The following PDE4D variants were observed in gnomAD, a reference collection of about 807,000 sequenced individuals.
The protein encoded by PDE4D is phosphodiesterase 4D.
In PDE4D, 24 loss-of-function variants were observed where a neutral mutation model predicts 87.4. The ratio of observed to expected loss-of-function variants is 0.27; its 90% CI spans 0.20 to 0.39. PDE4D has a LOEUF of 0.39. Ranked by LOEUF, PDE4D falls within the 10% of genes least tolerant of loss-of-function variation. PDE4D has a pLI of 1.00. For synonymous variants in PDE4D, 384 were observed against 383.2 expected, an observed-to-expected ratio of 1.00 and a Z score of -0.02; for missense variants, 714 against 1,041.0, an observed-to-expected ratio of 0.69 and a Z score of 4.32.
intron 2 of PDE4D, among the ~76,000 whole-genome samples, chr5:60,055,339 A>G (rs1393022867): frequency 1.3e-5 from 2 of 152,134 alleles, no homozygotes; most frequent in Non-Finnish European, 2.9e-5. Flanking sequence ...AAGGAAAGAA[A>G]GTAAGTGGGG....
chr5:59,107,727 T>C (rs1771862584), intron 5 of PDE4D, among the ~76,000 whole-genome samples: 2 of 152,238 alleles, frequency 1.3e-5, no homozygotes, highest in South Asian at 2.1e-4. Flanking sequence ...TTCATCATAC[T>C]TGTAATATTA....
intron 1 of PDE4D, among the ~76,000 whole-genome samples, chr5:60,233,727 C>T (rs372047820): frequency 1.3e-5 from 2 of 151,800 alleles, no homozygotes; most frequent in East Asian, 1.9e-4. Flanking sequence ...GTTTTAAATG[C>T]TTTTCAAATA....
At chr5:59,122,141 C>CAA (rs56284898) in intron 5 of PDE4D, among the ~76,000 whole-genome samples, 36 of 71,552 alleles carry the variant, frequency 5.0e-4, no homozygotes, top group East Asian at 3.3e-3. Flanking sequence ...GACTCTATCT[C>CAA]AAAAAAAAAA....
At chr5:60,213,841 T>C (rs867773876) in intron 1 of PDE4D, among the ~76,000 whole-genome samples, 5 of 152,174 alleles carry the variant, frequency 3.3e-5, no homozygotes, top group Non-Finnish European at 1.5e-5. Context: ...CTCAGACTCG[T>C]CCAGCGAGAT....
intron 5 of PDE4D, among the ~76,000 whole-genome samples, chr5:59,163,551 G>C (rs563512741): frequency 6.6e-6 from 1 of 152,186 alleles, no homozygotes; most frequent in Non-Finnish European, 1.5e-5. Flanking sequence ...GATAACAGGC[G>C]TGAGCCACCG....
intron 2 of PDE4D, among the ~76,000 whole-genome samples, chr5:59,195,279 A>G (rs576695597): frequency 4.7e-4 from 71 of 152,240 alleles, no homozygotes; most frequent in Admixed American, 1.5e-3. Context: ...CAAAAAAAAA[A>G]GGTCTTCTGA....
At chr5:59,544,897 T>C (rs534715539) in intron 1 of PDE4D, among the ~76,000 whole-genome samples, 2 of 152,326 alleles carry the variant, frequency 1.3e-5, no homozygotes, top group East Asian at 3.9e-4. Context: ...CAACACACCC[T>C]TTTTGATACG....
At chr5:60,417,505 A>G (rs1211060244) in intron 1 of PDE4D, among the ~76,000 whole-genome samples, 1 of 152,194 alleles carries the variant, frequency 6.6e-6, no homozygotes, top group South Asian at 2.1e-4. Flanking sequence ...CAGAGGAAAA[A>G]TCAACTACAT....
intron 1 of PDE4D, among the ~76,000 whole-genome samples, chr5:60,449,524 G>A (rs1250301706): frequency 2.0e-5 from 3 of 149,558 alleles, no homozygotes; most frequent in Non-Finnish European, 4.5e-5. Context: ...GGATAGCACT[G>A]GGAGATATAC....
chr5:59,485,828 C>A (rs1191685240), intron 1 of PDE4D, among the ~76,000 whole-genome samples: 2 of 152,010 alleles, frequency 1.3e-5, no homozygotes, highest in Non-Finnish European at 2.9e-5. Context: ...AGGGGCATTC[C>A]CAGCTCCCTG....
intron 1 of PDE4D, among the ~76,000 whole-genome samples, chr5:59,325,921 G>A (rs932801983): frequency 6.6e-6 from 1 of 152,020 alleles, no homozygotes; most frequent in Non-Finnish European, 1.5e-5. Flanking sequence ...TATACACCAT[G>A]GAATGCTATG....
At chr5:59,881,064 CTCT>C (rs1054879919) in intron 1 of PDE4D, among the ~76,000 whole-genome samples, 16 of 152,198 alleles carry the variant, frequency 1.1e-4, no homozygotes, top group African/African-American at 3.4e-4. Flanking sequence ...ATGATACATA[CTCT>C]TCTTCTTATG....
At chr5:59,914,482 T>A (rs1753782886) in intron 3 of PDE4D, among the ~76,000 whole-genome samples, 1 of 151,950 alleles carries the variant, frequency 6.6e-6, no homozygotes, top group African/African-American at 2.4e-5. Flanking sequence ...AGGAGGCCTG[T>A]GTGGCTGGAG....
At chr5:59,940,705 G>A (rs1318086765) in intron 3 of PDE4D, among the ~76,000 whole-genome samples, 1 of 152,118 alleles carries the variant, frequency 6.6e-6, no homozygotes, top group South Asian at 2.1e-4. Context: ...ACACAGGTCC[G>A]GAGCTCAGAG....
chr5:60,074,699 T>G (rs1773089036), intron 2 of PDE4D, among the ~76,000 whole-genome samples: 1 of 152,224 alleles, frequency 6.6e-6, no homozygotes, highest in African/African-American at 2.4e-5. Flanking sequence ...CTGTTGGGTA[T>G]GTACCTATTT....
chr5:60,488,681 G>A (rs1190957504), upstream of PDE4D, among the ~76,000 whole-genome samples: 1 of 152,072 alleles, frequency 6.6e-6, no homozygotes, highest in Non-Finnish European at 1.5e-5. Flanking sequence ...TTGCAGATGG[G>A]TAGGCTTTTC....
chr5:59,618,525 AAC>A (rs1829981361), intron 1 of PDE4D, among the ~76,000 whole-genome samples: 2 of 152,284 alleles, frequency 1.3e-5, no homozygotes, highest in African/African-American at 4.8e-5. Context: ...TTCTGAAAGC[AAC>A]AGATAGTCAC....
At chr5:59,915,268 C>T (rs1342744440) in intron 3 of PDE4D, among the ~76,000 whole-genome samples, 2 of 152,056 alleles carry the variant, frequency 1.3e-5, no homozygotes, top group African/African-American at 4.8e-5. Flanking sequence ...ATGGAACAGT[C>T]TGAGGATTGA....
intron 1 of PDE4D, among the ~76,000 whole-genome samples, chr5:60,484,853 A>G (rs1749012699): frequency 6.6e-6 from 1 of 152,248 alleles, no homozygotes; most frequent in Admixed American, 6.5e-5. Flanking sequence ...CAAATTACAC[A>G]TTACAATGTT....
Sources: gnomAD v4.1 joint callset for allele counts (sites outside exome capture counted in the v4.1 genomes callset) on GRCh38, gnomAD v4.1.1 for gene constraint, MANE v1.5 for transcripts, NCBI Gene and HGNC (gene_info 2026-07-23, HGNC 2026-07-21) for gene names.